The following GAS6 variants were observed in gnomAD, a reference collection of about 807,000 sequenced individuals.
The protein encoded by GAS6 is growth arrest specific 6, also known as growth arrest-specific protein 6.
GAS6 carries 41 observed loss-of-function variants against 75.8 expected under a neutral mutation model. The ratio of observed to expected loss-of-function variants is 0.54; its 90% confidence interval spans 0.42 to 0.70. The LOEUF is 0.70. Among genes scored for constraint, GAS6 ranks in the 30% least tolerant of loss-of-function variants. The pLI is 0.00. For missense variants in GAS6, 854 were observed against 940.2 expected, an observed-to-expected ratio of 0.91 and a Z score of 1.20; for synonymous variants, 432 against 412.6, an observed-to-expected ratio of 1.05 and a Z score of -0.57.
At chr13:113,853,371 C>A (rs1448100589) in intron 2 of GAS6, among the ~76,000 whole-genome samples, 3 of 152,242 alleles carry the variant, frequency 2.0e-5, no homozygotes, top group African/African-American at 7.2e-5. Context: ...ATCCTTGGGC[C>A]ACAGTCCCCG....
At position 113,863,638 on chromosome 13, in the gene GAS6, C is replaced by A; in HGVS notation, c.192G>T (p.Glu64Asp). Residue 64 changes from glutamate (E) to aspartate (D), a missense_variant, in exon 2 of 15, where the codon GAG (glutamate) becomes GAT (aspartate). Transcript: ENST00000327773. The surrounding 1 kb of genome is among the most constrained non-coding windows in gnomAD (Gnocchi z 9.4). ...CGCGGCTGCACAGCTCCTCCACGCA[C>A]TCCCTCTCCAGGTGGCCCTGCTTGG... ...EEAKQGHLER[E>D]CVEELCSREE... The A allele has an allele frequency of 6.5e-7, 1 of 1,527,022 alleles. No homozygotes were observed. The allele number at this position is 1,527,022 out of a possible 1,614,324, so 94.6% of individuals were successfully genotyped here.
Position 113,820,640 on chromosome 13 carries a change from G to A in GAS6, c.*224C>T, listed in dbSNP as rs532629708. 7.8e-5 allele frequency: 39 copies of A among 497,090 alleles called. No individual in the cohort carries two copies. Among genetic ancestry groups the A allele is most frequent in the African/African-American group, 5.5e-4 (29 of 52,988 alleles). The allele number at this position is 497,090 out of a possible 1,614,324, so 30.8% of individuals were successfully genotyped here. On this transcript the variant is annotated 3_prime_UTR_variant, in exon 15 of 15. Coordinates refer to ENST00000327773, the MANE Select transcript of GAS6 (RefSeq NM_000820.4). ...AAAATAATAGAGAATTATTTTCTTC[G>A]AGCCCGCTCTGCGCTGCGCCGGCCT...
chr13:113,854,953 C>T (rs773626608), intron 2 of GAS6, among the ~76,000 whole-genome samples: 10 of 152,192 alleles, frequency 6.6e-5, no homozygotes, highest in Non-Finnish European at 1.5e-4. Context: ...AGGGTTCCTC[C>T]GTGCCCACCC....
intron 2 of GAS6, among the ~76,000 whole-genome samples, chr13:113,851,284 T>A (rs2051872471): frequency 2.5e-5 from 2 of 80,930 alleles, no homozygotes; most frequent in South Asian, 1.2e-3. Flanking sequence ...TATGAATGAA[T>A]GAGTGAGTGG....
In GAS6 at chr13:113,832,657, G is replaced by A; in HGVS notation, c.930C>T (p.Arg310=). 1 of 1,612,796 alleles carries A rather than the reference G, an allele frequency of 6.2e-7. No individual in the cohort carries two copies. The highest frequency in any genetic ancestry group is 8.5e-7 in the Non-Finnish European group (1 of 1,179,964). ...ACCTGGTGGGCTGCAGCCTCTTGAA[G>A]CGCAGTCGGATCACGGGGGTCCCAC... is the stretch of plus-strand genomic sequence containing the variant. The part of the protein sequence containing the change: ...MFSGTPVIRL[R]FKRLQPTRLV... Residue 310 remains arginine (R), a synonymous_variant, in exon 9 of 15, where the codon CGC becomes CGT. Coordinates refer to ENST00000327773, the MANE Select transcript of GAS6 (RefSeq NM_000820.4).
intron 4 of GAS6, chr13:113,842,846 G>A (rs2051800581): frequency 2.5e-6 from 1 of 396,924 alleles, no homozygotes; most frequent in South Asian, 1.3e-4. Context: ...ACCCGGTCTT[G>A]ACTTTGCCTG....
Position 113,823,398 on chromosome 13 carries a change from A to C in GAS6, c.1630T>G (p.Ser544Ala). The change falls in exon 13 of 15, where the codon TCC (serine) becomes GCC (alanine). Residue 544 changes from serine to alanine, a missense_variant. Physicochemically the swap from Ser to Ala is moderately conservative, Grantham distance 99 (BLOSUM62 1). Coordinates refer to ENST00000327773, the MANE Select transcript of GAS6 (RefSeq NM_000820.4). ...PLSVALVDYH[S>A]TKKLKKQLVV... Reference sequence around the variant, plus strand: ...ACCTGCTTCTTGAGTTTCTTCGTGGAGTGATAGTCTACCAGTGCCACAGAG... The same window carrying C: ...ACCTGCTTCTTGAGTTTCTTCGTGGCGTGATAGTCTACCAGTGCCACAGAG... The C allele has an allele frequency of 6.2e-7, 1 of 1,611,644 alleles. No homozygotes were observed. Among genetic ancestry groups the C allele is most frequent in the African/African-American group, 1.3e-5 (1 of 75,014 alleles).
intron 2 of GAS6, among the ~76,000 whole-genome samples, chr13:113,858,748 TTA>T (rs950121539): frequency 5.9e-5 from 9 of 151,896 alleles, no homozygotes; most frequent in Non-Finnish European, 1.0e-4. Flanking sequence ...TACATGTCTG[TTA>T]GTATGTGTGT....
chr13:113,833,081 A>G, intron 8 of GAS6: 2 of 1,216,370 alleles, frequency 1.6e-6, no homozygotes, highest in African/African-American at 1.6e-5. Context: ...AAAAGTATAC[A>G]CTATTATGAA....
chr13:113,846,094 G>A (rs1428882500), intron 4 of GAS6, among the ~76,000 whole-genome samples: 1 of 152,266 alleles, frequency 6.6e-6, no homozygotes, highest in Non-Finnish European at 1.5e-5. Flanking sequence ...CAGCGTGAAG[G>A]TGAGACACGC....
intron 13 of GAS6, 70 bp from the exon 14 acceptor site, chr13:113,822,256 C>T (rs909157428): frequency 8.1e-7 from 1 of 1,240,884 alleles, no homozygotes. Flanking sequence ...CCAAGCTGGT[C>T]CTCACAGCTG....
At chr13:113,859,993 C>T (rs914217060) in intron 2 of GAS6, among the ~76,000 whole-genome samples, 3 of 152,330 alleles carry the variant, frequency 2.0e-5, no homozygotes, top group Middle Eastern at 3.4e-3. Flanking sequence ...CCCAGCTGTT[C>T]CCAAAGAATC....
intron 2 of GAS6, among the ~76,000 whole-genome samples, chr13:113,854,370 G>A (rs900231721): frequency 1.3e-5 from 2 of 152,254 alleles, no homozygotes; most frequent in African/African-American, 4.8e-5. Flanking sequence ...AGAGGAGCTC[G>A]AGTGGCTTCC....
At chr13:113,825,110 C>G (rs938957879) in intron 12 of GAS6, among the ~76,000 whole-genome samples, 1 of 151,580 alleles carries the variant, frequency 6.6e-6, no homozygotes, top group African/African-American at 2.4e-5. Context: ...CCCATCTACT[C>G]GGGAGGCTGA....
At position 113,863,647 on chromosome 13, in the gene GAS6, C is replaced by T. The variant is rs201803099; in HGVS notation, c.183G>A (p.Leu61=). ...QVFEEAKQGH[L]ERECVEELCS... Reference sequence around the variant, plus strand: ...ACAGCTCCTCCACGCACTCCCTCTCCAGGTGGCCCTGCTTGGCCTCCTCGA... The same window carrying T: ...ACAGCTCCTCCACGCACTCCCTCTCTAGGTGGCCCTGCTTGGCCTCCTCGA... Residue 61 remains leucine (L), a synonymous_variant, in exon 2 of 15, where the codon CTG becomes CTA. Coordinates refer to ENST00000327773, the MANE Select transcript of GAS6 (RefSeq NM_000820.4). The surrounding 1 kb of genome is among the most constrained non-coding windows in gnomAD (Gnocchi z 9.4). 860 of 1,525,300 alleles carry T rather than the reference C, an allele frequency of 5.6e-4. 9 individuals are homozygous for T. In the African/African-American group the frequency reaches 0.011, roughly 20 times the overall value. 94.5% of individuals were successfully genotyped at this position (1,525,300 alleles called of 1,614,324 possible).
At chr13:113,833,005 T>G in intron 8 of GAS6, 1 of 1,401,708 alleles carries the variant, frequency 7.1e-7, no homozygotes, top group Non-Finnish European at 9.3e-7. Flanking sequence ...CCTGCTCATT[T>G]CCCTTGACCC....
chr13:113,860,091 C>G (rs541205517), intron 2 of GAS6, among the ~76,000 whole-genome samples: 4 of 152,186 alleles, frequency 2.6e-5, no homozygotes, highest in Non-Finnish European at 5.9e-5. Flanking sequence ...ACATCCCATG[C>G]GGAGAATTCC....
At chr13:113,838,023 A>C (rs778470712) in intron 6 of GAS6, 46 bp downstream of exon 6, 8 of 1,603,120 alleles carry the variant, frequency 5.0e-6, no homozygotes, top group Non-Finnish European at 6.8e-6. Context: ...CGAAAATAGA[A>C]GGTGGGGAGA....
intron 4 of GAS6, chr13:113,841,583 C>T (rs369513187): frequency 0.016 from 2,271 of 144,194 alleles, 88 homozygotes; most frequent in African/African-American, 0.058. Flanking sequence ...TTCCTCCATA[C>T]GCCCCACAGT....
Sources: gnomAD v4.1 joint callset for allele counts (sites outside exome capture counted in the v4.1 genomes callset) on GRCh38, gnomAD v4.1.1 for gene constraint, Gnocchi (gnomAD v3.1) non-coding constraint, MANE v1.5 for transcripts, NCBI Gene and HGNC (gene_info 2026-07-23, HGNC 2026-07-21) for gene names.